Variants in MATR3 observed in about 807,000 individuals in gnomAD.
MATR3 encodes the protein matrin 3, also known as matrin-3.
A neutral mutation model predicts 85.5 loss-of-function variants in MATR3; 4 were observed. The observed-to-expected ratio is 0.05, with a 90% CI of 0.02 to 0.11. The LOEUF is 0.11. MATR3 is among the 10% of genes least tolerant of loss of function. The pLI, the probability that MATR3 is intolerant of heterozygous loss-of-function variation, is 1.00. For missense variants in MATR3, 685 were observed against 1,016.1 expected (o/e 0.67, Z 4.43); for synonymous variants, 336 against 343.1 (o/e 0.98, Z 0.23).
At position 139,322,926 on chromosome 5, in the gene MATR3, G is replaced by C; in HGVS notation, c.2107G>C (p.Asp703His). ...ACCATCAGATAAAGCTGTGAAAAAA[G>C]ATGGAAGTGCTTCAGCAGCAGCAAA... ...KEPSDKAVKKDGSASAAAKKK... is the reference protein window; with the variant it reads ...KEPSDKAVKKHGSASAAAKKK... The change falls in exon 12 of 15, where the codon GAT (aspartate) becomes CAT (histidine). Residue 703 changes from aspartate (D) to histidine (H), a missense_variant. Physicochemically the swap from Asp to His is moderately conservative, Grantham distance 81. Around this residue, in one of 9 missense-constraint regions of MATR3, gnomAD observed 215 missense variants for 194.7 expected, o/e 1.10. Transcript: ENST00000394805. 1 of 1,613,982 alleles carries C rather than the reference G, an allele frequency of 6.2e-7. No individual in the cohort carries two copies. Among genetic ancestry groups the C allele is most frequent in the Non-Finnish European group, 8.5e-7 (1 of 1,179,998 alleles).
At chr5:139,321,127 G>T (rs767746235) in intron 9 of MATR3, among the ~76,000 whole-genome samples, 1 of 151,870 alleles carries the variant, frequency 6.6e-6, no homozygotes, top group African/African-American at 2.4e-5. Flanking sequence ...TGGGGATTTT[G>T]TAAATCTGAC....
At chr5:139,315,361 G>GA (rs1231930327) in intron 3 of MATR3, 12 of 266,866 alleles carry the variant, frequency 4.5e-5, no homozygotes, top group Non-Finnish European at 6.5e-5. Flanking sequence ...ATTGGAGAAG[G>GA]AAAATCTGTG....
At chr5:139,293,618 G>C (rs1043442547), upstream of MATR3, 13 of 193,110 alleles carry the variant, frequency 6.7e-5, no homozygotes, top group Middle Eastern at 1.7e-3. Context: ...AGGGGGAGGG[G>C]CCTGGCGCGC....
At chr5:139,295,931 C>T (rs1478446560) in intron 1 of MATR3, among the ~76,000 whole-genome samples, 1 of 152,074 alleles carries the variant, frequency 6.6e-6, no homozygotes, top group African/African-American at 2.4e-5. Context: ...TTAAGTAATC[C>T]TCCCACCTCA....
chr5:139,322,886 T>G lies in MATR3; in HGVS notation c.2067T>G (p.Ser689=), dbSNP rs778751642. 6.2e-7 allele frequency: 1 copy of G among 1,613,820 alleles called. No homozygotes were observed. Among genetic ancestry groups the G allele is most frequent in the African/African-American group, 1.3e-5 (1 of 74,860 alleles). The change falls in exon 12 of 15, where the codon TCT becomes TCG. Residue 689 remains serine, a synonymous_variant. Coordinates refer to ENST00000394805, the MANE Select transcript of MATR3 (RefSeq NM_018834.6). ...TTGCTAATTTAGGTGATGTGGCTTC[T>G]GATGGGAAAAAGGAACCATCAGATA... The part of the protein sequence containing the change: ...TDLANLGDVA[S]DGKKEPSDKA...
At chr5:139,296,353 TGTC>T (rs1754150604) in intron 1 of MATR3, among the ~76,000 whole-genome samples, 1 of 152,356 alleles carries the variant, frequency 6.6e-6, no homozygotes, top group Non-Finnish European at 1.5e-5. Context: ...AAACTGCTAA[TGTC>T]GTTTGATTGT....
At position 139,307,620 on chromosome 5, in the gene MATR3, G is replaced by T; in HGVS notation, c.205G>T (p.Ala69Ser). The T allele has an allele frequency of 6.2e-7, 1 of 1,614,156 alleles. No individual in the cohort carries two copies. The highest frequency in any genetic ancestry group is 8.5e-7 in the Non-Finnish European group (1 of 1,180,028). The stretch of plus-strand genomic sequence containing the variant: ...GAGTTCTTCATTGAATCAACAAGGA[G>T]CTCATAGTGCACTGTCTTCTGCTAG... Reference protein sequence around the residue: ...GMSSSLNQQGAHSALSSASTS... With the variant: ...GMSSSLNQQGSHSALSSASTS... The change falls in exon 2 of 15, where the codon GCT becomes TCT. Residue 69 changes from alanine (A) to serine (S), a missense_variant. By Grantham distance (99) the Ala-to-Ser change is moderately conservative (BLOSUM62 1). Transcript: ENST00000394805. The surrounding 1 kb of genome is among the most constrained non-coding windows in gnomAD (Gnocchi z 4.4).
chr5:139,314,906 T>G, intron 3 of MATR3, 170 bp downstream of exon 3: 1 of 610,212 alleles, frequency 1.6e-6, no homozygotes, highest in Non-Finnish European at 3.0e-6. Flanking sequence ...GGAAATTTCA[T>G]ATTGAATATT....
Position 139,307,190 on chromosome 5 carries a change from G to T in MATR3, c.-177-49G>T. ...ATAAGTTTTTTTTTCTTAAAAAAACGGCATCTGCTTAAAGGGATTTATGAC... is the reference window on the plus strand; with the variant it reads ...ATAAGTTTTTTTTTCTTAAAAAAACTGCATCTGCTTAAAGGGATTTATGAC... On this transcript the variant is annotated intron_variant, in intron 1 of 14. Coordinates refer to ENST00000394805, the MANE Select transcript of MATR3 (RefSeq NM_018834.6). This position sits in a 1 kb window ranked among gnomAD's most constrained non-coding sequence, Gnocchi z 4.4. 5.1e-6 allele frequency: 6 copies of T among 1,178,602 alleles called. No individual in the cohort carries two copies. The highest frequency in any genetic ancestry group is 4.3e-5 in the Admixed American group (1 of 23,056). The allele number at this position is 1,178,602 out of a possible 1,614,324, so 73.0% of individuals were successfully genotyped here.
chr5:139,321,471 T>C (rs1755565197), intron 9 of MATR3, among the ~76,000 whole-genome samples: 2 of 152,052 alleles, frequency 1.3e-5, no homozygotes, highest in Non-Finnish European at 2.9e-5. Flanking sequence ...TCAGTGAATT[T>C]TTAACTCTGT....
intron 14 of MATR3, among the ~76,000 whole-genome samples, chr5:139,329,106 G>C (rs1249681814): frequency 6.6e-6 from 1 of 151,936 alleles, no homozygotes; most frequent in Non-Finnish European, 1.5e-5. Flanking sequence ...CTAAAAATTA[G>C]GGTTAATTAT....
intron 2 of MATR3, among the ~76,000 whole-genome samples, chr5:139,277,632 A>T (rs553760173): frequency 1.3e-5 from 2 of 152,206 alleles, no homozygotes; most frequent in Non-Finnish European, 2.9e-5. Context: ...TCCTGAGGCT[A>T]TAGAAATTGG....
chr5:139,313,339 T>A (rs1755088793), intron 2 of MATR3: 1 of 151,682 alleles, frequency 6.6e-6, no homozygotes, highest in Non-Finnish European at 1.5e-5. Context: ...TTTTTTTTTT[T>A]TTTTTTTAGC....
chr5:139,301,029 G>C (rs1312566360), intron 1 of MATR3, among the ~76,000 whole-genome samples: 1 of 152,116 alleles, frequency 6.6e-6, no homozygotes, highest in African/African-American at 2.4e-5. Context: ...TGGCCAAGCT[G>C]GTCTCGAACT....
At chr5:139,294,106 C>A (rs1261794554) in intron 1 of MATR3, 1 of 1,223,448 alleles carries the variant, frequency 8.2e-7, no homozygotes, top group Admixed American at 4.1e-5. Context: ...AAGAGGTGCG[C>A]TGACCGGCCG....
chr5:139,303,590 C>T (rs1294578342), intron 1 of MATR3, among the ~76,000 whole-genome samples: 4 of 151,912 alleles, frequency 2.6e-5, no homozygotes, highest in South Asian at 4.1e-4. Context: ...GAAAACTAGC[C>T]GAGCATGGTG....
At chr5:139,328,385 A>C (rs1755965824) in intron 14 of MATR3, among the ~76,000 whole-genome samples, 1 of 152,138 alleles carries the variant, frequency 6.6e-6, no homozygotes, top group Non-Finnish European at 1.5e-5. Context: ...AGATGGAAAG[A>C]AGCTTTGGAC....
chr5:139,326,797 C>T (rs1287760338), intron 14 of MATR3, among the ~76,000 whole-genome samples: 1 of 152,146 alleles, frequency 6.6e-6, no homozygotes, highest in Non-Finnish European at 1.5e-5. Context: ...TGCTACATAA[C>T]AATTTAGTGT....
At chr5:139,296,809 G>A (rs563186600) in intron 1 of MATR3, among the ~76,000 whole-genome samples, 7 of 152,190 alleles carry the variant, frequency 4.6e-5, no homozygotes, top group Admixed American at 3.3e-4. Flanking sequence ...CTTTTTGTTA[G>A]GGATACTTGA....
Sources: gnomAD v4.1 joint callset for allele counts (sites outside exome capture counted in the v4.1 genomes callset) on GRCh38, gnomAD v4.1.1 for gene constraint, gnomAD v4.1.1 regional missense constraint, Gnocchi (gnomAD v3.1) non-coding constraint, MANE v1.5 for transcripts, NCBI Gene and HGNC (gene_info 2026-07-23, HGNC 2026-07-21) for gene names.